Variants in CLPTM1 observed in about 807,000 individuals in gnomAD.
CLPTM1 encodes CLPTM1 regulator of GABA type A receptor forward trafficking.
CLPTM1 carries 21 observed loss-of-function variants against 77.3 expected under a neutral mutation model. That is an observed-to-expected ratio of 0.27 (90% CI 0.19 to 0.39). The LOEUF (loss-of-function observed/expected upper bound fraction) is 0.39. CLPTM1 is among the 10% of genes least tolerant of loss of function. The pLI is 1.00. For synonymous variants in CLPTM1, 373 were observed against 381.0 expected, an observed-to-expected ratio of 0.98 and a Z score of 0.24; for missense variants, 642 against 921.2, an observed-to-expected ratio of 0.70 and a Z score of 3.92.
At chr19:44,982,369 C>T (rs77021985) in intron 5 of CLPTM1, among the ~76,000 whole-genome samples, 6,141 of 150,702 alleles carry the variant, frequency 0.041, 125 homozygotes, top group South Asian at 0.085. Flanking sequence ...AAGGGTCTAG[C>T]GTGTGTTTTA....
intron 4 of CLPTM1, among the ~76,000 whole-genome samples, chr19:44,976,344 G>A (rs975834584): frequency 8.5e-5 from 13 of 152,222 alleles, no homozygotes; most frequent in Admixed American, 7.2e-4. Context: ...GGAGAGCTGG[G>A]CACAGTGGCA....
Position 44,991,460 on chromosome 19 carries a change from G to GAC in CLPTM1, c.1555+89_1555+90dup. 6.6e-7 allele frequency: 1 copy of GAC among 1,524,072 alleles called. No homozygotes were observed. The highest frequency in any genetic ancestry group is 2.4e-4 in the Middle Eastern group (1 of 4,234). The allele number at this position is 1,524,072 out of a possible 1,614,324, so 94.4% of individuals were successfully genotyped here. A position where few individuals can be genotyped will look rare whatever the true frequency, so the allele number is the denominator to read the frequency against. On this transcript the variant is annotated intron_variant, in intron 12 of 13. Transcript: ENST00000337392. The surrounding 1 kb of genome is among the most constrained non-coding windows in gnomAD (Gnocchi z 5.4). ...AGTGTAGGAGACAGACCCATCCCCAGACAGGGACAACCTAGGGTGGGCAGA... is the reference window on the plus strand; with the variant it reads ...AGTGTAGGAGACAGACCCATCCCCAGACACAGGGACAACCTAGGGTGGGCAGA...
At chr19:44,983,071 A>G (rs937204939) in intron 5 of CLPTM1, among the ~76,000 whole-genome samples, 5 of 151,942 alleles carry the variant, frequency 3.3e-5, no homozygotes, top group African/African-American at 1.2e-4. Flanking sequence ...AAAAAAAAAA[A>G]AAAAATGAGG....
chr19:44,988,014 C>T lies in CLPTM1; in HGVS notation c.1039-66C>T, dbSNP rs902499780. ...TACAGGCGGCCCCAGGGGCAGCCCT[C>T]GGGACAAAAGCTAGTGAAGGTGCTC... On this transcript the variant is annotated intron_variant, in intron 8 of 13. Coordinates refer to ENST00000337392, the MANE Select transcript of CLPTM1 (RefSeq NM_001294.4). 4.1e-5 allele frequency: 52 copies of T among 1,268,810 alleles called. No homozygotes were observed. In the Middle Eastern group the frequency reaches 1.2e-3, roughly 28 times the overall value. 78.6% of individuals were successfully genotyped at this position (1,268,810 alleles called of 1,614,324 possible). A position where few individuals can be genotyped will look rare whatever the true frequency, so the allele number is the denominator to read the frequency against.
intron 2 of CLPTM1, among the ~76,000 whole-genome samples, chr19:44,967,571 C>T (rs554993634): frequency 6.6e-6 from 1 of 151,332 alleles, no homozygotes; most frequent in Non-Finnish European, 1.5e-5. Context: ...GCAGGAGAAT[C>T]GCTTGAACCC....
At chr19:44,976,687 A>G (rs980042226) in intron 4 of CLPTM1, among the ~76,000 whole-genome samples, 2 of 152,044 alleles carry the variant, frequency 1.3e-5, no homozygotes, top group African/African-American at 4.8e-5. Context: ...GGAGGCAAGG[A>G]GACTTGATGA....
intron 1 of CLPTM1, 76 bp downstream of exon 1, chr19:44,955,543 G>C (rs936707280): frequency 8.2e-7 from 1 of 1,222,210 alleles, no homozygotes; most frequent in Non-Finnish European, 1.0e-6. Context: ...CCTACCTCTT[G>C]TCACGGAATC....
intron 2 of CLPTM1, among the ~76,000 whole-genome samples, chr19:44,963,207 C>CAAAA (rs778157562): frequency 1.0e-3 from 29 of 29,042 alleles, no homozygotes; most frequent in African/African-American, 1.4e-3. Context: ...GACTCCATCT[C>CAAAA]AAAAAAAAAA....
In CLPTM1 at chr19:44,979,127, A is replaced by G. The variant is rs549810894; in HGVS notation, c.586+1667A>G. ...CCAAAATAGCTGGGACTACAGGCAC[A>G]CGCCACTACGCCCGGCTAGTTTTTG... On this transcript the variant is annotated intron_variant, in intron 5 of 13. Transcript: ENST00000337392. Among the ~76,000 whole-genome samples the G allele has an allele frequency of 3.2e-3, 486 of 151,980 alleles. 2 individuals carry two copies. The highest frequency in any genetic ancestry group is 5.5e-3 in the Non-Finnish European group (377 of 67,956).
At chr19:44,966,391 A>C (rs1364058296) in intron 2 of CLPTM1, among the ~76,000 whole-genome samples, 1 of 147,610 alleles carries the variant, frequency 6.8e-6, no homozygotes, top group African/African-American at 2.5e-5. Context: ...AGCCTGGGTG[A>C]CAGAGCGAGA....
intron 1 of CLPTM1, chr19:44,955,915 A>G (rs1970457038): frequency 6.2e-6 from 1 of 160,388 alleles, no homozygotes; most frequent in Admixed American, 6.5e-5. Flanking sequence ...CGACAGACCC[A>G]TTTTACAGAC....
intron 1 of CLPTM1, among the ~76,000 whole-genome samples, chr19:44,959,295 A>G (rs1395242160): frequency 6.6e-6 from 1 of 151,806 alleles, no homozygotes; most frequent in African/African-American, 2.4e-5. Context: ...CCTGGGCTCA[A>G]TGGATCCTCC....
rs538191570 is a variant in CLPTM1, at chr19:44,966,991, G to A, written c.185+4916G>A. Among the ~76,000 whole-genome samples, 10 of 152,144 alleles carry A rather than the reference G, an allele frequency of 6.6e-5. No homozygotes were observed. The East Asian group carries it at 7.8e-4, about 12-fold the overall frequency. ...CGAGTAGCTGGGACTACAGGCGCCC[G>A]CCACAGCGCCCGGCTAATTTTTTGT... On this transcript the variant is annotated intron_variant, in intron 2 of 13. Transcript: ENST00000337392.
chr19:44,955,515 G>GC (rs748338822), intron 1 of CLPTM1, 48 bp downstream of exon 1: 1 of 1,259,738 alleles, frequency 7.9e-7, no homozygotes, highest in South Asian at 3.3e-5. Flanking sequence ...CAGCCGGGGG[G>GC]CCTCCCACGG....
Position 44,974,643 on chromosome 19 carries a change from A to C in CLPTM1, c.468+46A>C, listed in dbSNP as rs141874001. 1,826 of 1,462,152 alleles carry C rather than the reference A, an allele frequency of 1.2e-3. 33 individuals are homozygous for C. The East Asian group carries it at 0.042, about 33-fold the overall frequency. The allele number at this position is 1,462,152 out of a possible 1,614,324, so 90.6% of individuals were successfully genotyped here. On this transcript the variant is annotated intron_variant, in intron 4 of 13. Transcript: ENST00000337392. Reference sequence around the variant, plus strand: ...CTGGCCCCATGGCTGCTTGACTGGCACTGAAGGACCTTTTCCTCCAGTCCG... The same window carrying C: ...CTGGCCCCATGGCTGCTTGACTGGCCCTGAAGGACCTTTTCCTCCAGTCCG...
chr19:44,965,092 T>A (rs982958511), intron 2 of CLPTM1, among the ~76,000 whole-genome samples: 3 of 145,748 alleles, frequency 2.1e-5, no homozygotes, highest in Non-Finnish European at 4.4e-5. Flanking sequence ...TTCCTTTTAT[T>A]TTTTTTTTGC....
chr19:44,991,861 C>T lies in CLPTM1; in HGVS notation c.1556-372C>T, dbSNP rs570886728. Among the ~76,000 whole-genome samples, 7 of 152,150 alleles carry T rather than the reference C, an allele frequency of 4.6e-5. No homozygotes were observed. Among genetic ancestry groups the T allele is most frequent in the East Asian group, 1.9e-4 (1 of 5,164 alleles). On this transcript the variant is annotated intron_variant, in intron 12 of 13. Transcript: ENST00000337392. The surrounding 1 kb of genome is among the most constrained non-coding windows in gnomAD (Gnocchi z 5.4). ...TTGAAGCTGCAGTGAGCCATGATTACGCCACTGCACTCCAGCCTGGGTGAC... is the reference window on the plus strand; with the variant it reads ...TTGAAGCTGCAGTGAGCCATGATTATGCCACTGCACTCCAGCCTGGGTGAC...
intron 1 of CLPTM1, 80 bp downstream of exon 1, chr19:44,955,547 C>G: frequency 8.3e-7 from 1 of 1,198,784 alleles, no homozygotes; most frequent in East Asian, 3.3e-5. Flanking sequence ...CCTCTTGTCA[C>G]GGAATCCCGT....
rs980948842 is a variant in CLPTM1 at position 44,955,448 on chromosome 19, G to T, written c.53G>T (p.Gly18Val). ...DGARSAVVAA[G>V]GGSSGQVTSN... ...GCCCGCAGCGCCGTGGTGGCGGCCG[G>T]GGGAGGCAGCTCCGGTCAGGTACGG... Residue 18 changes from glycine (G) to valine (V), a missense_variant, in exon 1 of 14, where the codon GGG becomes GTG. Transcript: ENST00000337392. 3.0e-6 allele frequency: 4 copies of T among 1,334,830 alleles called. No homozygotes were observed. Among genetic ancestry groups the T allele is most frequent in the Middle Eastern group, 2.8e-4 (1 of 3,620 alleles). 82.7% of individuals were successfully genotyped at this position (1,334,830 alleles called of 1,614,324 possible).
Sources: gnomAD v4.1 joint callset for allele counts (sites outside exome capture counted in the v4.1 genomes callset) on GRCh38, gnomAD v4.1.1 for gene constraint, Gnocchi (gnomAD v3.1) non-coding constraint, MANE v1.5 for transcripts, NCBI Gene and HGNC (gene_info 2026-07-23, HGNC 2026-07-21) for gene names.